The following ZBTB16 variants were observed in gnomAD, a reference collection of about 807,000 sequenced individuals.
ZBTB16 encodes zinc finger and BTB domain containing 16, also known as zinc finger and BTB domain-containing protein 16.
Under a neutral mutation model 56.8 loss-of-function variants are expected in ZBTB16, and 8 were observed. That is an observed-to-expected ratio of 0.14 (90% CI 0.08 to 0.25). The LOEUF (loss-of-function observed/expected upper bound fraction) is 0.25, where lower values mean the gene tolerates loss of function less well. Among genes scored for constraint, ZBTB16 ranks in the 10% least tolerant of loss-of-function variants. ZBTB16 has a pLI of 1.00. For missense variants in ZBTB16, 625 were observed against 903.0 expected (o/e 0.69, Z 3.95); for synonymous variants, 363 against 368.5 (o/e 0.98, Z 0.17).
chr11:114,124,561 A>AC (rs1565638112), intron 2 of ZBTB16, among the ~76,000 whole-genome samples: 7 of 147,622 alleles, frequency 4.7e-5, no homozygotes, highest in African/African-American at 1.7e-4. Context: ...AAAAACCAAA[A>AC]AAAAAAAAAA....
rs1299651907 is a variant in ZBTB16 at position 114,255,884 on chromosome 11, TTATTTA to T, written c.*5332_*5337del. 1.3e-5 allele frequency among the ~76,000 whole-genome samples: 2 copies of T among 152,264 alleles called. No homozygotes were observed. The highest frequency in any genetic ancestry group is 2.4e-5 in the African/African-American group (1 of 41,566). ...TTTGTAGTGAACATTTTTTGTATTT[TTATTTA>T]TAAGTCTCATAAGAAAAATAGCAAT... On this transcript the variant is annotated 3_prime_UTR_variant, in exon 7 of 7. Coordinates refer to ENST00000335953, the MANE Select transcript of ZBTB16 (RefSeq NM_006006.6).
intron 3 of ZBTB16, among the ~76,000 whole-genome samples, chr11:114,185,158 A>G (rs1178220329): frequency 2.0e-5 from 3 of 152,170 alleles, no homozygotes; most frequent in African/African-American, 4.8e-5. Flanking sequence ...CCATTAAGCT[A>G]TGACTGCACC....
intron 2 of ZBTB16, among the ~76,000 whole-genome samples, chr11:114,103,500 G>A (rs1487620799): frequency 2.6e-5 from 4 of 151,982 alleles, no homozygotes; most frequent in East Asian, 1.9e-4. Flanking sequence ...CTACATTTGT[G>A]TTTTGTGTTT....
At chr11:114,224,955 G>A (rs558524813) in intron 4 of ZBTB16, among the ~76,000 whole-genome samples, 2 of 152,268 alleles carry the variant, frequency 1.3e-5, no homozygotes, top group African/African-American at 2.4e-5. Flanking sequence ...ATTACAGTGG[G>A]TTGAGGAGTT....
At chr11:114,225,722 T>C (rs1944316413) in intron 4 of ZBTB16, among the ~76,000 whole-genome samples, 1 of 152,204 alleles carries the variant, frequency 6.6e-6, no homozygotes, top group South Asian at 2.1e-4. Context: ...GGGGGACACA[T>C]TTAAACCATA....
Position 114,156,226 on chromosome 11 carries a change from C to T in ZBTB16, c.1269-111C>T. 2.9e-6 allele frequency: 3 copies of T among 1,050,506 alleles called. No homozygotes were observed. The South Asian group carries it at 4.0e-5, about 14-fold the overall frequency. The allele number at this position is 1,050,506 out of a possible 1,614,324, so 65.1% of individuals were successfully genotyped here. A position where few individuals can be genotyped will look rare whatever the true frequency, so the allele number is the denominator to read the frequency against. On this transcript the variant is annotated intron_variant, in intron 2 of 6. Transcript: ENST00000335953. Reference sequence around the variant, plus strand: ...GTTTCCATCGGTGCCCTCCTGTTCCCTTCCGCCTGTCACCTGCCAGAGGGA... The same window carrying T: ...GTTTCCATCGGTGCCCTCCTGTTCCTTTCCGCCTGTCACCTGCCAGAGGGA...
chr11:114,170,725 T>TTA (rs1942939999), intron 3 of ZBTB16, among the ~76,000 whole-genome samples: 2 of 152,216 alleles, frequency 1.3e-5, no homozygotes, highest in Admixed American at 1.3e-4. Flanking sequence ...TTACTGACTA[T>TTA]TATAAGCTAA....
intron 2 of ZBTB16, among the ~76,000 whole-genome samples, chr11:114,130,177 C>T (rs755986658): frequency 6.6e-6 from 1 of 152,190 alleles, no homozygotes; most frequent in Non-Finnish European, 1.5e-5. Context: ...TGGGGGTAAA[C>T]AGCAAATGTC....
At chr11:114,233,125 A>ACACACACACACACACT (rs1443230792) in intron 4 of ZBTB16, among the ~76,000 whole-genome samples, 1 of 54,720 alleles carries the variant, frequency 1.8e-5, no homozygotes, top group African/African-American at 5.1e-5. Context: ...ACACACACAC[A>ACACACACACACACACT]CTCTCTCTCT....
chr11:114,219,420 G>A (rs1944179137), intron 4 of ZBTB16, among the ~76,000 whole-genome samples: 1 of 152,134 alleles, frequency 6.6e-6, no homozygotes, highest in South Asian at 2.1e-4. Context: ...GGTCTGAGTG[G>A]GTGGCTGGGT....
intron 2 of ZBTB16, among the ~76,000 whole-genome samples, chr11:114,123,786 GC>G (rs1019641273): frequency 1.3e-5 from 2 of 152,082 alleles, no homozygotes; most frequent in African/African-American, 4.8e-5. Flanking sequence ...CTTGACAGTG[GC>G]CTTAAAATAG....
chr11:114,101,768 C>T (rs1024488081), intron 2 of ZBTB16, among the ~76,000 whole-genome samples: 4 of 152,192 alleles, frequency 2.6e-5, no homozygotes, highest in African/African-American at 7.2e-5. Flanking sequence ...GTTGCCTTAT[C>T]CTCCATTTTC....
chr11:114,163,991 A>C lies in ZBTB16; in HGVS notation c.1366+7557A>C, dbSNP rs541966514. Among the ~76,000 whole-genome samples, 5 of 152,306 alleles carry C rather than the reference A, an allele frequency of 3.3e-5. 1 individual carries two copies. In the South Asian group the frequency reaches 1.0e-3, roughly 32 times the overall value. On this transcript the variant is annotated intron_variant, in intron 3 of 6. Transcript: ENST00000335953. ...CGTTGCTAAGTAGCAGTCTCCCTGT[A>C]CTGTAATGGGCTGATTTTGTATTCT...
chr11:114,137,820 G>C (rs1372873099), intron 2 of ZBTB16, among the ~76,000 whole-genome samples: 2 of 152,214 alleles, frequency 1.3e-5, no homozygotes, highest in Non-Finnish European at 2.9e-5. Context: ...CTGGGACCTG[G>C]ATGGAGTCTC....
intron 4 of ZBTB16, among the ~76,000 whole-genome samples, chr11:114,220,061 C>T (rs893106336): frequency 2.0e-5 from 3 of 152,156 alleles, no homozygotes; most frequent in African/African-American, 4.8e-5. Flanking sequence ...GGAAAGAGAG[C>T]CAGTCTTTGG....
In ZBTB16 at chr11:114,256,039, T is replaced by TG. The variant is rs1273397591; in HGVS notation, c.*5484_*5485insG. ...TTTGTTTTGTTTTTTTTTTTTGTTT[T>TG]TTTTGCCTTTTCTTGTGTGGGGAAC... On this transcript the variant is annotated 3_prime_UTR_variant, in exon 7 of 7. Coordinates refer to ENST00000335953, the MANE Select transcript of ZBTB16 (RefSeq NM_006006.6). Among the ~76,000 whole-genome samples the TG allele has an allele frequency of 4.0e-5, 6 of 151,598 alleles. No homozygotes were observed. In the East Asian group the frequency reaches 5.8e-4, roughly 15 times the overall value.
intron 5 of ZBTB16, among the ~76,000 whole-genome samples, chr11:114,246,039 A>AG: frequency 6.6e-6 from 1 of 152,230 alleles, no homozygotes; most frequent in East Asian, 1.9e-4. Flanking sequence ...TGGATATGAA[A>AG]GGCAAGATGG....
intron 2 of ZBTB16, among the ~76,000 whole-genome samples, chr11:114,092,432 T>C (rs1229567237): frequency 6.6e-6 from 1 of 152,224 alleles, no homozygotes; most frequent in Non-Finnish European, 1.5e-5. Flanking sequence ...TCTTGTTGTG[T>C]GGAGCAAAGT....
intron 2 of ZBTB16, among the ~76,000 whole-genome samples, chr11:114,113,896 A>T (rs909151658): frequency 6.6e-6 from 1 of 152,232 alleles, no homozygotes; most frequent in Non-Finnish European, 1.5e-5. Flanking sequence ...CATTTATTCA[A>T]TTAGTCAACA....
Sources: allele counts gnomAD v4.1 joint callset (sites outside exome capture counted in the v4.1 genomes callset), GRCh38; gene constraint gnomAD v4.1.1; transcripts MANE v1.5; gene names NCBI Gene and HGNC (gene_info 2026-07-23, HGNC 2026-07-21).